The following DOT1L variants were observed in gnomAD, a reference collection of about 807,000 sequenced individuals.
DOT1L encodes the protein histone-lysine N-methyltransferase, H3 lysine-79 specific.
DOT1L carries 33 observed loss-of-function variants against 153.3 expected under a neutral mutation model. The observed-to-expected ratio is 0.22, with a 90% confidence interval of 0.16 to 0.29. DOT1L has a LOEUF of 0.29. Ranked by LOEUF, DOT1L falls within the 10% of genes least tolerant of loss-of-function variation. The probability of loss-of-function intolerance (pLI) is 1.00; values close to 1 mark genes in which losing one functional copy is unlikely to be tolerated. For synonymous variants in DOT1L, 1,135 were observed against 965.1 expected, an observed-to-expected ratio of 1.18 and a Z score of -3.26; for missense variants, 1,847 against 2,119.9, an observed-to-expected ratio of 0.87 and a Z score of 2.53.
intron 12 of DOT1L, 96 bp downstream of exon 12, chr19:2,209,072 T>TGGAGC: frequency 7.1e-7 from 1 of 1,414,670 alleles, no homozygotes; most frequent in Non-Finnish European, 9.7e-7. Context: ...GAGCCACGAC[T>TGGAGC]GGAGCACAGC....
rs765127698 is a variant in DOT1L, at chr19:2,226,412, C to T, written c.3891C>T (p.Pro1297=). ...KLAAHPRKGF[P]GSLSGADGLS... ...CCGCTCACCCCAGGAAAGGCTTTCC[C>T]GGCTCCCTGTCGGGGGCTGACGGAC... The change falls in exon 27 of 28, where the codon CCC becomes CCT. Residue 1297 remains proline, a synonymous_variant. Coordinates refer to ENST00000398665, the MANE Select transcript of DOT1L (RefSeq NM_032482.3). 3.4e-5 allele frequency: 54 copies of T among 1,598,532 alleles called. No individual in the cohort carries two copies. Among genetic ancestry groups the T allele is most frequent in the South Asian group, 5.5e-5 (5 of 90,252 alleles).
intron 27 of DOT1L, 112 bp downstream of exon 27, chr19:2,227,239 C>T (rs755026844): frequency 3.5e-5 from 49 of 1,387,986 alleles, no homozygotes; most frequent in Non-Finnish European, 4.8e-5. Flanking sequence ...TGCAGGTCCC[C>T]TGGTGCCGGC....
intron 27 of DOT1L, chr19:2,227,883 G>T: frequency 7.9e-7 from 1 of 1,272,814 alleles, no homozygotes; most frequent in South Asian, 1.2e-5. Flanking sequence ...TCAGGCCCCG[G>T]CCTCGGTTGA....
chr19:2,214,704 AG>A, intron 19 of DOT1L, 108 bp downstream of exon 19: 1 of 1,465,116 alleles, frequency 6.8e-7, no homozygotes, highest in Non-Finnish European at 9.1e-7. Context: ...CCTAGGAAGA[AG>A]GTGGAGGAGG....
chr19:2,178,368 GAAAA>G (rs367964093), intron 1 of DOT1L, among the ~76,000 whole-genome samples: 1 of 85,830 alleles, frequency 1.2e-5, no homozygotes, highest in Non-Finnish European at 2.5e-5. Flanking sequence ...GTCTCTACCA[GAAAA>G]AAAAAAAAAA....
intron 1 of DOT1L, among the ~76,000 whole-genome samples, chr19:2,178,547 A>G (rs111270394): frequency 0.035 from 5,299 of 151,094 alleles, 303 homozygotes; most frequent in African/African-American, 0.12. Context: ...CCTCCCGAGT[A>G]GCTGGACTAC....
Position 2,226,972 on chromosome 19 carries a change from A to G in DOT1L, c.4451A>G (p.Asn1484Ser), listed in dbSNP as rs756547293. 6 of 1,591,356 alleles carry G rather than the reference A, an allele frequency of 3.8e-6. No individual in the cohort carries two copies. The highest frequency in any genetic ancestry group is 2.7e-5 in the African/African-American group (2 of 73,934). ...FALGPMSLQA[N>S]LGSVAGSSVL... Reference sequence around the variant, plus strand: ...CTCGGCCCCATGTCCCTGCAGGCCAACCTCGGCTCCGTGGCCGGCTCCTCC... The same window carrying G: ...CTCGGCCCCATGTCCCTGCAGGCCAGCCTCGGCTCCGTGGCCGGCTCCTCC... Residue 1484 changes from asparagine to serine, a missense_variant, in exon 27 of 28, where the codon AAC becomes AGC. Around this residue, in one of 8 missense-constraint regions of DOT1L, gnomAD observed 934 missense variants for 825.3 expected, o/e 1.13. Coordinates refer to ENST00000398665, the MANE Select transcript of DOT1L (RefSeq NM_032482.3).
rs958238167 is a variant in DOT1L, at chr19:2,220,276, C to G, written c.2806+54C>G. On this transcript the variant is annotated intron_variant, in intron 23 of 27. Transcript: ENST00000398665. This position sits in a 1 kb window ranked among gnomAD's most constrained non-coding sequence, Gnocchi z 4.5. ...GGACTCTGCTGCTGCTGCTGCTCTT[C>G]AGGCAGGAGGGCTGGGTTGCTGGGA... 4 of 1,543,112 alleles carry G rather than the reference C, an allele frequency of 2.6e-6. No individual in the cohort carries two copies. The Admixed American group carries it at 7.4e-5, about 28-fold the overall frequency.
chr19:2,167,422 G>A (rs112162800), intron 1 of DOT1L, among the ~76,000 whole-genome samples: 1 of 152,324 alleles, frequency 6.6e-6, no homozygotes, highest in Non-Finnish European at 1.5e-5. Flanking sequence ...TGCCCTGCCT[G>A]GCCAGTGCTC....
intron 18 of DOT1L, 132 bp from the exon 19 acceptor site, chr19:2,214,339 C>A: frequency 1.4e-6 from 2 of 1,426,618 alleles, no homozygotes; most frequent in Non-Finnish European, 1.9e-6. Context: ...CCTGCTATTC[C>A]AGAAACGGGG....
In DOT1L at chr19:2,220,261, G is replaced by A; in HGVS notation, c.2806+39G>A. ...TGTGCCCTACCCTCAGGACTCTGCTGCTGCTGCTGCTCTTCAGGCAGGAGG... is the reference window on the plus strand; with the variant it reads ...TGTGCCCTACCCTCAGGACTCTGCTACTGCTGCTGCTCTTCAGGCAGGAGG... On this transcript the variant is annotated intron_variant, in intron 23 of 27. Coordinates refer to ENST00000398665, the MANE Select transcript of DOT1L (RefSeq NM_032482.3). This position sits in a 1 kb window ranked among gnomAD's most constrained non-coding sequence, Gnocchi z 4.5. 1 of 1,570,848 alleles carries A rather than the reference G, an allele frequency of 6.4e-7. No individual in the cohort carries two copies. Among genetic ancestry groups the A allele is most frequent in the Non-Finnish European group, 8.7e-7 (1 of 1,152,850 alleles).
At position 2,222,926 on chromosome 19, in the gene DOT1L, A is replaced by G. The variant is rs763677565; in HGVS notation, c.3391-355A>G. The G allele has an allele frequency of 4.5e-4, 186 of 415,100 alleles. No individual in the cohort carries two copies. The highest frequency in any genetic ancestry group is 1.0e-3 in the Admixed American group (24 of 24,030). 25.7% of individuals were successfully genotyped at this position (415,100 alleles called of 1,614,324 possible). A position where few individuals can be genotyped will look rare whatever the true frequency, so the allele number is the denominator to read the frequency against. ...AAACAGGTGGAGGCAGGGGGCCATGACTGAGCCCGGCCATCCTCCACCACG... is the reference window on the plus strand; with the variant it reads ...AAACAGGTGGAGGCAGGGGGCCATGGCTGAGCCCGGCCATCCTCCACCACG... On this transcript the variant is annotated intron_variant, in intron 24 of 27. Transcript: ENST00000398665. This position sits in a 1 kb window ranked among gnomAD's most constrained non-coding sequence, Gnocchi z 6.5.
chr19:2,212,763 C>G (rs2023759822), intron 16 of DOT1L: 1 of 152,234 alleles, frequency 6.6e-6, no homozygotes, highest in Non-Finnish European at 1.5e-5. Context: ...TAAGCCAATT[C>G]AAGGCAGTTT....
chr19:2,177,409 C>T (rs753944655), intron 1 of DOT1L, among the ~76,000 whole-genome samples: 2 of 152,014 alleles, frequency 1.3e-5, no homozygotes, highest in East Asian at 3.9e-4. Context: ...CAAGTCTCCT[C>T]TCTCAGCCTC....
At position 2,223,423 on chromosome 19, in the gene DOT1L, C is replaced by T. The variant is rs1339748808; in HGVS notation, c.3533C>T (p.Ala1178Val). 5 of 1,613,516 alleles carry T rather than the reference C, an allele frequency of 3.1e-6. No individual in the cohort carries two copies. The highest frequency in any genetic ancestry group is 1.3e-5 in the African/African-American group (1 of 74,890). ...CGGCCTCTGAGCCAGACCAATGGGG[C>T]ACACTACTCCCCACTCACCTCAGAC... The part of the protein sequence containing the change: ...KERPLSQTNG[A>V]HYSPLTSDEE... Residue 1178 changes from alanine to valine, a missense_variant, in exon 25 of 28, where the codon GCA becomes GTA. This residue lies in a region of DOT1L where 934 missense variants were observed against 825.3 expected (regional missense o/e 1.13). Coordinates refer to ENST00000398665, the MANE Select transcript of DOT1L (RefSeq NM_032482.3).
intron 12 of DOT1L, 38 bp downstream of exon 12, chr19:2,209,014 G>C: frequency 6.2e-7 from 1 of 1,604,950 alleles, no homozygotes. Context: ...TTAATAACAC[G>C]CATGCACTGA....
rs971699788 is a variant in DOT1L at position 2,207,890 on chromosome 19, C to A, written c.963+210C>A. Among the ~76,000 whole-genome samples the A allele has an allele frequency of 6.6e-6, 1 of 152,012 alleles. No individual in the cohort carries two copies. The highest frequency in any genetic ancestry group is 1.9e-4 in the East Asian group (1 of 5,156). The stretch of plus-strand genomic sequence containing the variant: ...CACCAGGGTCCTCCCAGGCACTGGG[C>A]GTGTCCTGGGTGAGGGCTGAGTGCT... On this transcript the variant is annotated intron_variant, in intron 11 of 27. Coordinates refer to ENST00000398665, the MANE Select transcript of DOT1L (RefSeq NM_032482.3). This position sits in a 1 kb window ranked among gnomAD's most constrained non-coding sequence, Gnocchi z 4.5.
chr19:2,216,513 G>T lies in DOT1L; in HGVS notation c.2156G>T (p.Gly719Val). 1 of 1,612,346 alleles carries T rather than the reference G, an allele frequency of 6.2e-7. No individual in the cohort carries two copies. The change falls in exon 20 of 28, where the codon GGC becomes GTC. Residue 719 changes from glycine to valine, a missense_variant. This residue lies in a region of DOT1L where 281 missense variants were observed against 263.6 expected (regional missense o/e 1.07). Coordinates refer to ENST00000398665, the MANE Select transcript of DOT1L (RefSeq NM_032482.3). ...CTCTCCATGAACGGCCAGGCTGCTG[G>T]CTATGAGCTCTGCGGTGTGCTGAGC... ...PELSMNGQAA[G>V]YELCGVLSRP...
chr19:2,192,793 A>G (rs776547541), intron 5 of DOT1L, among the ~76,000 whole-genome samples: 1 of 152,270 alleles, frequency 6.6e-6, no homozygotes, highest in Admixed American at 6.5e-5. Flanking sequence ...TTGAGGCTGC[A>G]GTGAGCCAGG....
Sources: gnomAD v4.1 joint callset for allele counts (sites outside exome capture counted in the v4.1 genomes callset) on GRCh38, gnomAD v4.1.1 for gene constraint, gnomAD v4.1.1 regional missense constraint, Gnocchi (gnomAD v3.1) non-coding constraint, MANE v1.5 for transcripts, NCBI Gene and HGNC (gene_info 2026-07-23, HGNC 2026-07-21) for gene names.